Variants in SLC6A7 observed in about 807,000 individuals in gnomAD.
SLC6A7 encodes sodium-dependent proline transporter.
A neutral mutation model predicts 73.1 loss-of-function variants in SLC6A7; 58 were observed. That is an observed-to-expected ratio of 0.79 (90% CI 0.64 to 0.99). The LOEUF (loss-of-function observed/expected upper bound fraction) is 0.99. Among genes scored for constraint, SLC6A7 ranks in the 50% least tolerant of loss-of-function variants. The pLI is 0.00. For missense variants in SLC6A7, 783 were observed against 831.4 expected (o/e 0.94, Z 0.72); for synonymous variants, 338 against 338.7 (o/e 1.00, Z 0.02).
At position 150,194,793 on chromosome 5, in the gene SLC6A7, T is replaced by C. The variant is rs764558081; in HGVS notation, c.99T>C (p.Phe33=). ...GCGATGTCGACCTGGATGTGGACTT[T>C]GCTGCACACCGGGGGAACTGGACAG... ...DQGDVDLDVD[F]AAHRGNWTGK... Residue 33 remains phenylalanine (F), a synonymous_variant, in exon 2 of 14, where the codon TTT becomes TTC. Transcript: ENST00000230671. 7.4e-6 allele frequency: 12 copies of C among 1,614,050 alleles called. No homozygotes were observed. The highest frequency in any genetic ancestry group is 9.3e-6 in the Non-Finnish European group (11 of 1,180,014).
At position 150,203,883 on chromosome 5, in the gene SLC6A7, C is replaced by A; in HGVS notation, c.1201-24C>A. On this transcript the variant is annotated intron_variant, in intron 9 of 13. Transcript: ENST00000230671. ...TGTGTGTTGGGGATAGAATTCTGAC[C>A]CCCAGCCCCTCCTCTCTCCTCAGTT... 1.9e-6 allele frequency: 3 copies of A among 1,586,826 alleles called. No homozygotes were observed. In the East Asian group the frequency reaches 6.8e-5, roughly 36 times the overall value.
chr5:150,196,851 A>C lies in SLC6A7; in HGVS notation c.349+4A>C. ...AAAATCAGCCCTCTCTTCAAAGGTG[A>C]GGCCTCAGTGGTCCCCAGGGAGGGA... On this transcript the variant is annotated splice_donor_region_variant and intron_variant, in intron 3 of 13. Transcript: ENST00000230671. The C allele has an allele frequency of 6.2e-7, 1 of 1,613,498 alleles. No homozygotes were observed. The highest frequency in any genetic ancestry group is 8.5e-7 in the Non-Finnish European group (1 of 1,179,662).
intron 3 of SLC6A7, 88 bp from the exon 4 acceptor site, chr5:150,196,954 C>T: frequency 1.3e-6 from 2 of 1,530,190 alleles, no homozygotes; most frequent in East Asian, 2.3e-5. Context: ...GAAGTGAAGC[C>T]CAGATAGCTG....
chr5:150,210,184 A>T lies in SLC6A7; in HGVS notation c.*569A>T, dbSNP rs1753906729. 6.4e-6 allele frequency: 1 copy of T among 157,394 alleles called. No individual in the cohort carries two copies. The highest frequency in any genetic ancestry group is 1.4e-5 in the Non-Finnish European group (1 of 71,056). 9.7% of individuals were successfully genotyped at this position (157,394 alleles called of 1,614,324 possible). ...ATCCCTGGGGGCTCCTGTATGCAGG[A>T]CTCCTGAAGGAGGTGGGAGCTGAGG... On this transcript the variant is annotated 3_prime_UTR_variant, in exon 14 of 14. Transcript: ENST00000230671.
At chr5:150,190,646 G>A (rs1365078481) in intron 1 of SLC6A7, among the ~76,000 whole-genome samples, 1 of 152,176 alleles carries the variant, frequency 6.6e-6, no homozygotes, top group African/African-American at 2.4e-5. Flanking sequence ...GGGTAGGGGC[G>A]GCCGGGGCCA....
intron 4 of SLC6A7, among the ~76,000 whole-genome samples, chr5:150,198,114 A>AGAAAG (rs1554115646): frequency 2.8e-5 from 1 of 35,850 alleles, no homozygotes; most frequent in Admixed American, 2.0e-4. Flanking sequence ...AAAGAAAGAA[A>AGAAAG]GAGAAAGAAA....
rs1268972309 is a variant in SLC6A7, at chr5:150,198,116, AGAAAG to A, written c.584+841_584+845del. On this transcript the variant is annotated intron_variant, in intron 4 of 13. Coordinates refer to ENST00000230671, the MANE Select transcript of SLC6A7 (RefSeq NM_014228.5). ...GAAAGAAAGAAAGAAAGAAAGAAAGAGAAAGAAAGAAAGAAAGAAAGAAAGCAAAG... is the reference window on the plus strand; with the variant it reads ...GAAAGAAAGAAAGAAAGAAAGAAAGAAAAGAAAGAAAGAAAGAAAGCAAAG... 4.7e-4 allele frequency among the ~76,000 whole-genome samples: 40 copies of A among 85,126 alleles called. 1 individual carries two copies. The highest frequency in any genetic ancestry group is 2.0e-3 in the African/African-American group (35 of 17,334). 55.8% of individuals were successfully genotyped at this position (85,126 alleles called of 152,430 possible).
At chr5:150,204,682 G>C in intron 11 of SLC6A7, 51 bp downstream of exon 11, 3 of 1,449,950 alleles carry the variant, frequency 2.1e-6, no homozygotes, top group Non-Finnish European at 2.9e-6. Context: ...TGGGAGAATG[G>C]GAGTCTACCC....
chr5:150,190,204 C>T lies in SLC6A7; in HGVS notation c.-124C>T. 2 of 773,014 alleles carry T rather than the reference C, an allele frequency of 2.6e-6. No homozygotes were observed. The highest frequency in any genetic ancestry group is 3.9e-6 in the Non-Finnish European group (2 of 511,826). The allele number at this position is 773,014 out of a possible 1,614,324, so 47.9% of individuals were successfully genotyped here. On this transcript the variant is annotated 5_prime_UTR_variant, in exon 1 of 14. Coordinates refer to ENST00000230671, the MANE Select transcript of SLC6A7 (RefSeq NM_014228.5). The stretch of plus-strand genomic sequence containing the variant: ...GCCGCCAGACGGCAGCGCCTGCGTC[C>T]GTGCCCGCCCCAGCCGGTGCGCGGG...
At position 150,198,090 on chromosome 5, in the gene SLC6A7, A is replaced by G. The variant is rs544177359; in HGVS notation, c.584+814A>G. ...AAGAAAGAAAGAAAGAAAGAAAGAA[A>G]GAAAGAAAGAAAGAAAGAAAGAAAG... On this transcript the variant is annotated intron_variant, in intron 4 of 13. Coordinates refer to ENST00000230671, the MANE Select transcript of SLC6A7 (RefSeq NM_014228.5). Among the ~76,000 whole-genome samples, 56 of 105,560 alleles carry G rather than the reference A, an allele frequency of 5.3e-4. 1 individual carries two copies. Among genetic ancestry groups the G allele is most frequent in the African/African-American group, 1.3e-3 (37 of 27,790 alleles). The allele number at this position is 105,560 out of a possible 152,430, so 69.3% of individuals were successfully genotyped here.
chr5:150,203,820 GGTGTGTGTGTGTGT>G (rs35380195), intron 9 of SLC6A7, 41 bp downstream of exon 9: 71 of 802,504 alleles, frequency 8.8e-5, no homozygotes, highest in Non-Finnish European at 1.2e-4. Context: ...GTGTGTGTGT[GGTGTGTGTGTGTGT>G]GTGTGTGTGT....
At chr5:150,193,200 G>A (rs1246358088) in intron 1 of SLC6A7, among the ~76,000 whole-genome samples, 1 of 152,196 alleles carries the variant, frequency 6.6e-6, no homozygotes, top group African/African-American at 2.4e-5. Context: ...GGCCCCTGTG[G>A]CCAATAGCCA....
intron 6 of SLC6A7, among the ~76,000 whole-genome samples, chr5:150,201,889 T>A (rs1179431986): frequency 1.3e-5 from 2 of 152,120 alleles, no homozygotes; most frequent in Non-Finnish European, 2.9e-5. Context: ...ACTATTCCTA[T>A]CCCCTCGTTA....
rs142615684 is a variant in SLC6A7 at position 150,205,495 on chromosome 5, G to A, written c.1573G>A (p.Glu525Lys). Residue 525 changes from glutamate (E) to lysine (K), a missense_variant, in exon 13 of 14, where the codon GAG (glutamate) becomes AAG (lysine). By Grantham distance (56) the Glu-to-Lys change is moderately conservative (BLOSUM62 1). Transcript: ENST00000230671. ...TAGCATCGTCAAGTACCAGCCCTCG[G>A]AGTATGGCAGTTACCGCTTCCCGCC... The part of the protein sequence containing the change: ...VYSIVKYQPS[E>K]YGSYRFPPWA... 73 of 1,613,076 alleles carry A rather than the reference G, an allele frequency of 4.5e-5. No homozygotes were observed. Among genetic ancestry groups the A allele is most frequent in the Non-Finnish European group, 5.8e-5 (68 of 1,179,536 alleles).
chr5:150,190,876 C>T (rs1354222308), intron 1 of SLC6A7, among the ~76,000 whole-genome samples: 1 of 152,170 alleles, frequency 6.6e-6, no homozygotes, highest in African/African-American at 2.4e-5. Context: ...CCTGCTGAGA[C>T]CCCAGGCTGC....
In SLC6A7 at chr5:150,190,309, C is replaced by A; in HGVS notation, c.-19C>A. On this transcript the variant is annotated 5_prime_UTR_variant, in exon 1 of 14. Coordinates refer to ENST00000230671, the MANE Select transcript of SLC6A7 (RefSeq NM_014228.5). ...TCTGCGCTCCGGGGCAGCTGAGCCC[C>A]GGCCACCCGCTCTCCAAGATGAAGA... 1 of 1,510,196 alleles carries A rather than the reference C, an allele frequency of 6.6e-7. No individual in the cohort carries two copies. Among genetic ancestry groups the A allele is most frequent in the Non-Finnish European group, 8.8e-7 (1 of 1,130,138 alleles). 93.5% of individuals were successfully genotyped at this position (1,510,196 alleles called of 1,614,324 possible).
intron 13 of SLC6A7, among the ~76,000 whole-genome samples, chr5:150,207,791 C>G (rs961708615): frequency 6.6e-6 from 1 of 152,136 alleles, no homozygotes. Context: ...CATTAGGACA[C>G]TGTAAAGATT....
chr5:150,202,785 T>C (rs1753456859), intron 8 of SLC6A7, 82 bp downstream of exon 8: 3 of 1,499,042 alleles, frequency 2.0e-6, no homozygotes, highest in Non-Finnish European at 2.7e-6. Context: ...AGCAAGATTA[T>C]GGATGGGGGC....
At chr5:150,200,015 A>G (rs983281427) in intron 5 of SLC6A7, among the ~76,000 whole-genome samples, 1 of 152,058 alleles carries the variant, frequency 6.6e-6, no homozygotes, top group African/African-American at 2.4e-5. Context: ...GGCCCGGAGG[A>G]TGGAATGCTT....
Sources: allele counts gnomAD v4.1 joint callset (sites outside exome capture counted in the v4.1 genomes callset), GRCh38; gene constraint gnomAD v4.1.1; transcripts MANE v1.5; gene names NCBI Gene and HGNC (gene_info 2026-07-23, HGNC 2026-07-21).